The following LRRC8B variants were observed in gnomAD, a reference collection of about 807,000 sequenced individuals.
The protein encoded by LRRC8B is volume-regulated anion channel subunit LRRC8B.
Under a neutral mutation model 58.8 loss-of-function variants are expected in LRRC8B, and 23 were observed. The observed-to-expected ratio is 0.39, with a 90% CI of 0.28 to 0.55. The LOEUF is 0.55. Among genes scored for constraint, LRRC8B ranks in the 20% least tolerant of loss-of-function variants. The pLI is 0.62. For synonymous variants in LRRC8B, 359 were observed against 374.1 expected (o/e 0.96, Z 0.47); for missense variants, 694 against 936.0 (o/e 0.74, Z 3.37).
chr1:89,567,789 T>TA (rs1325104168), intron 1 of LRRC8B, among the ~76,000 whole-genome samples: 1 of 151,852 alleles, frequency 6.6e-6, no homozygotes, highest in South Asian at 2.1e-4. Flanking sequence ...TTATTAGTAA[T>TA]AAAAAAAGGA....
Position 89,583,627 on chromosome 1 carries a change from A to G in LRRC8B, c.977A>G (p.Tyr326Cys). 1.2e-6 allele frequency: 2 copies of G among 1,612,888 alleles called. No individual in the cohort carries two copies. Among genetic ancestry groups the G allele is most frequent in the Non-Finnish European group, 1.7e-6 (2 of 1,180,018 alleles). The change falls in exon 5 of 6, where the codon TAT becomes TGT. Residue 326 changes from tyrosine (Y) to cysteine (C), a missense_variant. Tyr to Cys is a radical substitution (Grantham distance 194). Transcript: ENST00000330947. This position sits in a 1 kb window ranked among gnomAD's most constrained non-coding sequence, Gnocchi z 5.2. The part of the protein sequence containing the change: ...ASFYVILVIL[Y>C]GLTSSYSLWW... ...TTTTATGTCATTTTGGTTATACTTTATGGTCTGACCTCTTCCTACAGCCTG... is the reference window on the plus strand; with the variant it reads ...TTTTATGTCATTTTGGTTATACTTTGTGGTCTGACCTCTTCCTACAGCCTG...
At chr1:89,568,704 C>A (rs1403363241) in intron 3 of LRRC8B, among the ~76,000 whole-genome samples, 2 of 152,018 alleles carry the variant, frequency 1.3e-5, no homozygotes, top group Non-Finnish European at 2.9e-5. Context: ...CATCTTCCTA[C>A]TTTTTGTGGA....
At chr1:89,550,793 C>CAGCTCT (rs1393621965) in intron 1 of LRRC8B, among the ~76,000 whole-genome samples, 3 of 152,132 alleles carry the variant, frequency 2.0e-5, no homozygotes, top group Non-Finnish European at 4.4e-5. Context: ...ACTGATACTA[C>CAGCTCT]CATGGTCTTC....
In LRRC8B at chr1:89,593,311, A is replaced by T; in HGVS notation, c.*268A>T. The stretch of plus-strand genomic sequence containing the variant: ...GGAATTGCTTGAACCAGGGAGGTGG[A>T]GGTTGCAGTGAGCCGAGATTGTGCC... On this transcript the variant is annotated 3_prime_UTR_variant, in exon 6 of 6. Coordinates refer to ENST00000330947, the MANE Select transcript of LRRC8B (RefSeq NM_001369817.2). 1 of 334,090 alleles carries T rather than the reference A, an allele frequency of 3.0e-6. No homozygotes were observed. Among genetic ancestry groups the T allele is most frequent in the Non-Finnish European group, 5.6e-6 (1 of 179,496 alleles). 20.7% of individuals were successfully genotyped at this position (334,090 alleles called of 1,614,324 possible). A position where few individuals can be genotyped will look rare whatever the true frequency, so the allele number is the denominator to read the frequency against.
intron 3 of LRRC8B, among the ~76,000 whole-genome samples, chr1:89,573,577 T>A (rs1653626164): frequency 1.3e-5 from 2 of 152,178 alleles, no homozygotes; most frequent in Admixed American, 1.3e-4. Flanking sequence ...ATGTCTCTCT[T>A]CTCCTTTGGT....
chr1:89,548,091 T>A (rs1389424754), intron 1 of LRRC8B, among the ~76,000 whole-genome samples: 2 of 152,234 alleles, frequency 1.3e-5, no homozygotes, highest in Non-Finnish European at 2.9e-5. Flanking sequence ...GCCTATGAAT[T>A]AAATTAGTCC....
At chr1:89,563,052 A>G (rs976258459) in intron 1 of LRRC8B, among the ~76,000 whole-genome samples, 2 of 152,116 alleles carry the variant, frequency 1.3e-5, no homozygotes, top group East Asian at 1.9e-4. Context: ...TTGTGTTGGT[A>G]TGTTTTCTAG....
intron 3 of LRRC8B, among the ~76,000 whole-genome samples, chr1:89,570,476 T>G (rs1052807481): frequency 3.3e-5 from 5 of 152,254 alleles, no homozygotes; most frequent in African/African-American, 1.2e-4. Context: ...TCAGTGATGC[T>G]GATCATTTTT....
At chr1:89,525,075 G>A (rs530747991) in intron 1 of LRRC8B, 53 bp downstream of exon 1, 16 of 152,710 alleles carry the variant, frequency 1.0e-4, no homozygotes, top group African/African-American at 3.4e-4. Flanking sequence ...CGCCGACCGA[G>A]GTGGTGGAGG....
chr1:89,566,762 G>A (rs1371401607), intron 1 of LRRC8B, among the ~76,000 whole-genome samples: 1 of 152,176 alleles, frequency 6.6e-6, no homozygotes, highest in Non-Finnish European at 1.5e-5. Flanking sequence ...GATCCTTTGG[G>A]GCTTTTTGTT....
chr1:89,586,571 C>A (rs1485939606), intron 5 of LRRC8B, among the ~76,000 whole-genome samples: 5 of 152,098 alleles, frequency 3.3e-5, no homozygotes. Context: ...ACCTTGAGAC[C>A]ATTAGTACTT....
intron 1 of LRRC8B, among the ~76,000 whole-genome samples, chr1:89,529,721 T>C (rs1649971527): frequency 6.6e-6 from 1 of 152,228 alleles, no homozygotes; most frequent in Non-Finnish European, 1.5e-5. Flanking sequence ...ATTTTTTCTA[T>C]ATATTTTGTT....
intron 3 of LRRC8B, among the ~76,000 whole-genome samples, chr1:89,576,104 G>A (rs1167107366): frequency 6.6e-6 from 1 of 152,190 alleles, no homozygotes; most frequent in African/African-American, 2.4e-5. Flanking sequence ...CTGGATGACA[G>A]CACTATTGAA....
At chr1:89,575,868 T>TAA (rs1653808246) in intron 3 of LRRC8B, among the ~76,000 whole-genome samples, 2 of 152,192 alleles carry the variant, frequency 1.3e-5, no homozygotes, top group Non-Finnish European at 2.9e-5. Context: ...CCTTGACTAT[T>TAA]TTATTCTTTG....
chr1:89,556,616 G>A (rs1652212177), intron 1 of LRRC8B, among the ~76,000 whole-genome samples: 1 of 152,062 alleles, frequency 6.6e-6, no homozygotes, highest in South Asian at 2.1e-4. Context: ...CACCCAGTTG[G>A]TGTTACAGGG....
At chr1:89,560,070 C>G (rs1652505667) in intron 1 of LRRC8B, among the ~76,000 whole-genome samples, 1 of 152,216 alleles carries the variant, frequency 6.6e-6, no homozygotes, top group South Asian at 2.1e-4. Context: ...CATTTGTTCT[C>G]TCTAACATTA....
chr1:89,569,821 G>C (rs886942438), intron 3 of LRRC8B, among the ~76,000 whole-genome samples: 3 of 152,034 alleles, frequency 2.0e-5, no homozygotes, highest in Admixed American at 1.3e-4. Flanking sequence ...GGATTAAGCT[G>C]AGTTCCCATT....
intron 5 of LRRC8B, among the ~76,000 whole-genome samples, chr1:89,592,276 G>T (rs1204038354): frequency 6.6e-6 from 1 of 152,112 alleles, no homozygotes; most frequent in Non-Finnish European, 1.5e-5. Flanking sequence ...CTCTGCTTCT[G>T]TAGGCTTTTT....
intron 1 of LRRC8B, among the ~76,000 whole-genome samples, chr1:89,567,608 G>A (rs1364875014): frequency 1.3e-5 from 2 of 152,050 alleles, no homozygotes; most frequent in African/African-American, 4.8e-5. Flanking sequence ...ATCTGGTGAG[G>A]TGCTACTCAT....
Sources: allele counts gnomAD v4.1 joint callset (sites outside exome capture counted in the v4.1 genomes callset), GRCh38; gene constraint gnomAD v4.1.1; non-coding constraint Gnocchi (gnomAD v3.1); transcripts MANE v1.5; gene names NCBI Gene and HGNC (gene_info 2026-07-23, HGNC 2026-07-21).